LCLAT1: variants seen among roughly 807,000 people sequenced by gnomAD.
LCLAT1 encodes the protein lysocardiolipin acyltransferase 1.
A neutral mutation model predicts 30.7 loss-of-function variants in LCLAT1; 11 were observed. The observed-to-expected ratio is 0.36, with a 90% CI of 0.23 to 0.59. LCLAT1 has a LOEUF of 0.59. Among genes scored for constraint, LCLAT1 ranks in the 20% least tolerant of loss-of-function variants. LCLAT1 has a pLI of 0.77. For synonymous variants in LCLAT1, 155 were observed against 151.3 expected (o/e 1.02, Z -0.18); for missense variants, 402 against 458.6 (o/e 0.88, Z 1.13).
chr2:30,550,435 A>C (rs536610451), intron 3 of LCLAT1, among the ~76,000 whole-genome samples: 1 of 152,226 alleles, frequency 6.6e-6, no homozygotes, highest in Non-Finnish European at 1.5e-5. Flanking sequence ...GTCTTCCTTC[A>C]TTTTGTGATA....
intron 1 of LCLAT1, among the ~76,000 whole-genome samples, chr2:30,455,671 C>G (rs943428249): frequency 6.6e-6 from 1 of 152,000 alleles, no homozygotes; most frequent in Non-Finnish European, 1.5e-5. Flanking sequence ...AGCCTGAAAC[C>G]ATCCTCTGGG....
chr2:30,582,933 A>G (rs1666266529), intron 5 of LCLAT1, among the ~76,000 whole-genome samples: 1 of 152,222 alleles, frequency 6.6e-6, no homozygotes, highest in African/African-American at 2.4e-5. Flanking sequence ...ATTGAAGCAG[A>G]TTGCTATTCT....
At chr2:30,463,550 T>C (rs1572477228) in intron 1 of LCLAT1, among the ~76,000 whole-genome samples, 1 of 152,230 alleles carries the variant, frequency 6.6e-6, no homozygotes, top group East Asian at 1.9e-4. Flanking sequence ...ATCAAAAATA[T>C]TTGAAAAAGA....
At chr2:30,491,393 C>T (rs1683826928) in intron 1 of LCLAT1, among the ~76,000 whole-genome samples, 1 of 152,186 alleles carries the variant, frequency 6.6e-6, no homozygotes, top group Admixed American at 6.5e-5. Context: ...TGTTGTTACT[C>T]ATGGAGGCAC....
rs117789276 is a variant in LCLAT1 at position 30,548,496 on chromosome 2, G to T, written c.365-13650G>T. 2.1e-3 allele frequency among the ~76,000 whole-genome samples: 325 copies of T among 152,314 alleles called. 6 individuals carry two copies. In the East Asian group the frequency reaches 0.037, roughly 17 times the overall value. ...TTACAATTGGCCGAGTTTATGTGAA[G>T]ACCTGGGATTAATGGAAAGGATTGT... is the stretch of plus-strand genomic sequence containing the variant. On this transcript the variant is annotated intron_variant, in intron 3 of 5. Transcript: ENST00000379509.
chr2:30,515,639 C>T (rs1572555131), intron 1 of LCLAT1, among the ~76,000 whole-genome samples: 1 of 152,162 alleles, frequency 6.6e-6, no homozygotes, highest in Non-Finnish European at 1.5e-5. Flanking sequence ...ATCTACAGTT[C>T]ACTTCTCTAT....
At chr2:30,481,701 A>G (rs1264433316) in intron 1 of LCLAT1, among the ~76,000 whole-genome samples, 5 of 152,192 alleles carry the variant, frequency 3.3e-5, no homozygotes, top group Admixed American at 6.5e-5. Context: ...AGAGGCAGAA[A>G]GCTGACTGAA....
At chr2:30,565,912 T>A (rs1269860760) in intron 4 of LCLAT1, among the ~76,000 whole-genome samples, 2 of 152,084 alleles carry the variant, frequency 1.3e-5, no homozygotes, top group Admixed American at 1.3e-4. Flanking sequence ...GCTGTATGGG[T>A]GAAAGGCATT....
intron 5 of LCLAT1, among the ~76,000 whole-genome samples, chr2:30,634,683 A>G (rs1440276428): frequency 2.0e-5 from 3 of 152,238 alleles, no homozygotes; most frequent in Non-Finnish European, 4.4e-5. Flanking sequence ...AGCCACCTTA[A>G]TTTGCCTATT....
At chr2:30,506,391 AT>A (rs1205490453) in intron 1 of LCLAT1, among the ~76,000 whole-genome samples, 6 of 152,092 alleles carry the variant, frequency 3.9e-5, no homozygotes. Flanking sequence ...AAACCGTACT[AT>A]AATAGAGACA....
intron 5 of LCLAT1, among the ~76,000 whole-genome samples, chr2:30,596,588 A>G (rs1274012105): frequency 6.6e-5 from 10 of 151,248 alleles, no homozygotes; most frequent in African/African-American, 2.0e-4. Context: ...CCCTTTCTGT[A>G]GAATGTCTGT....
At chr2:30,636,790 A>G (rs767215509) in intron 5 of LCLAT1, among the ~76,000 whole-genome samples, 11 of 152,220 alleles carry the variant, frequency 7.2e-5, no homozygotes, top group Non-Finnish European at 1.0e-4. Context: ...ACTGTATTTG[A>G]TCCGTAAGCA....
intron 1 of LCLAT1, among the ~76,000 whole-genome samples, chr2:30,504,401 T>G (rs1006950383): frequency 6.6e-6 from 1 of 152,156 alleles, no homozygotes; most frequent in Non-Finnish European, 1.5e-5. Flanking sequence ...TAAATGCTAC[T>G]CAGTAAACCA....
chr2:30,539,029 G>A (rs1663971903), intron 3 of LCLAT1, among the ~76,000 whole-genome samples: 1 of 147,336 alleles, frequency 6.8e-6, no homozygotes, highest in Non-Finnish European at 1.5e-5. Flanking sequence ...GTGTGATATT[G>A]GCTCACTCCA....
chr2:30,538,545 G>A lies in LCLAT1; in HGVS notation c.364+5231G>A, dbSNP rs148782394. 6.6e-3 allele frequency among the ~76,000 whole-genome samples: 1,008 copies of A among 152,142 alleles called. 10 individuals carry two copies. Among genetic ancestry groups the A allele is most frequent in the African/African-American group, 0.023 (957 of 41,490 alleles). On this transcript the variant is annotated intron_variant, in intron 3 of 5. Transcript: ENST00000379509. The stretch of plus-strand genomic sequence containing the variant: ...AGCTCCTTGGGAGGCTGAGGCAGGA[G>A]GATCGCTTGAACCCAGGAGGTGGAG...
At chr2:30,535,326 C>T (rs981885030) in intron 3 of LCLAT1, among the ~76,000 whole-genome samples, 2 of 152,082 alleles carry the variant, frequency 1.3e-5, no homozygotes, top group Admixed American at 6.5e-5. Context: ...ATGAAGAGTA[C>T]TAAGAGTGGG....
In LCLAT1 at chr2:30,507,513, C is replaced by A. The variant is rs371279520; in HGVS notation, c.-4-18074C>A. ...AGGCCCCAGTGTCCCCTCTGTGTGTCAATGTGTTCTTAGCCTTTAGCTCCC... is the reference window on the plus strand; with the variant it reads ...AGGCCCCAGTGTCCCCTCTGTGTGTAAATGTGTTCTTAGCCTTTAGCTCCC... On this transcript the variant is annotated intron_variant, in intron 1 of 5. Coordinates refer to ENST00000379509, the MANE Select transcript of LCLAT1 (RefSeq NM_001002257.3). Among the ~76,000 whole-genome samples the A allele has an allele frequency of 4.9e-4, 75 of 152,248 alleles. 1 individual carries two copies. The South Asian group carries it at 0.015, about 31-fold the overall frequency.
chr2:30,498,728 A>G (rs950635556), intron 1 of LCLAT1, among the ~76,000 whole-genome samples: 11 of 152,158 alleles, frequency 7.2e-5, no homozygotes, highest in African/African-American at 2.7e-4. Context: ...TAACCACCTT[A>G]TAGAGTTGTG....
chr2:30,548,523 T>G (rs920027558), intron 3 of LCLAT1, among the ~76,000 whole-genome samples: 1 of 152,124 alleles, frequency 6.6e-6, no homozygotes, highest in Non-Finnish European at 1.5e-5. Flanking sequence ...AAGGATTGTT[T>G]AGGTTAAGGT....
Sources: gnomAD v4.1 joint callset for allele counts (sites outside exome capture counted in the v4.1 genomes callset) on GRCh38, gnomAD v4.1.1 for gene constraint, MANE v1.5 for transcripts, NCBI Gene and HGNC (gene_info 2026-07-23, HGNC 2026-07-21) for gene names.